The following LPAR3 variants were observed in gnomAD, a reference collection of about 807,000 sequenced individuals.
LPAR3 encodes lysophosphatidic acid receptor 3, also known as LPA receptor 3.
LPAR3 carries 7 observed loss-of-function variants against 17.8 expected under a neutral mutation model. That is an observed-to-expected ratio of 0.39 (90% CI 0.22 to 0.74). The LOEUF is 0.74. Ranked by LOEUF, LPAR3 falls within the 30% of genes least tolerant of loss-of-function variation. LPAR3 has a pLI of 0.40. For synonymous variants in LPAR3, 179 were observed against 179.9 expected (o/e 0.99, Z 0.04); for missense variants, 391 against 453.4 (o/e 0.86, Z 1.25).
intron 2 of LPAR3, among the ~76,000 whole-genome samples, chr1:84,857,340 C>A (rs79527517): frequency 0.031 from 4,770 of 152,248 alleles, 114 homozygotes; most frequent in Non-Finnish European, 0.05. Flanking sequence ...GAATCCTCAA[C>A]ACCTCACCAT....
At chr1:84,858,568 G>C (rs1199268935) in intron 2 of LPAR3, among the ~76,000 whole-genome samples, 4 of 151,458 alleles carry the variant, frequency 2.6e-5, no homozygotes, top group Non-Finnish European at 2.9e-5. Flanking sequence ...GTCTCAGCCA[G>C]AGCCCATCTA....
chr1:84,877,603 C>G (rs991124812), intron 1 of LPAR3, among the ~76,000 whole-genome samples: 1 of 152,204 alleles, frequency 6.6e-6, no homozygotes, highest in Non-Finnish European at 1.5e-5. Flanking sequence ...TGGGGAAGAT[C>G]AGAGGCAATC....
At position 84,813,559 on chromosome 1, in the gene LPAR3, G is replaced by T. The variant is rs1225930446; in HGVS notation, c.*287C>A. On this transcript the variant is annotated 3_prime_UTR_variant, in exon 3 of 3. Coordinates refer to ENST00000370611, the MANE Select transcript of LPAR3 (RefSeq NM_012152.3). ...ACAAAGAGAATGGCTACGAAATGGTGCCAGAACCCAGAAGGCCCAGCTGGA... is the reference window on the plus strand; with the variant it reads ...ACAAAGAGAATGGCTACGAAATGGTTCCAGAACCCAGAAGGCCCAGCTGGA... The T allele has an allele frequency of 3.9e-5, 13 of 337,456 alleles. No homozygotes were observed. In the East Asian group the frequency reaches 6.6e-4, roughly 17 times the overall value. 20.9% of individuals were successfully genotyped at this position (337,456 alleles called of 1,614,324 possible). A position where few individuals can be genotyped will look rare whatever the true frequency, so the allele number is the denominator to read the frequency against.
At position 84,866,083 on chromosome 1, in the gene LPAR3, A is replaced by G. The variant is rs1445623937; in HGVS notation, c.38T>C (p.Phe13Ser). The G allele has an allele frequency of 2.5e-6, 4 of 1,601,684 alleles. No homozygotes were observed. Among genetic ancestry groups the G allele is most frequent in the Non-Finnish European group, 3.4e-6 (4 of 1,175,412 alleles). ...AGTATCAGTGTTGCTCCTATTATAA[A>G]AAAAGTCCATGTGCTTGTCATAGTG... ...ECHYDKHMDF[F>S]YNRSNTDTVD... The change falls in exon 2 of 3, where the codon TTT becomes TCT. Residue 13 changes from phenylalanine to serine, a missense_variant. Physicochemically the swap from Phe to Ser is radical, Grantham distance 155. Transcript: ENST00000370611.
chr1:84,839,189 C>G (rs1412160679), intron 2 of LPAR3, among the ~76,000 whole-genome samples: 1 of 152,210 alleles, frequency 6.6e-6, no homozygotes, highest in African/African-American at 2.4e-5. Context: ...GAATGATCTT[C>G]AAGTCTGGAT....
At chr1:84,826,818 T>C (rs1184966039) in intron 2 of LPAR3, among the ~76,000 whole-genome samples, 1 of 152,206 alleles carries the variant, frequency 6.6e-6, no homozygotes. Flanking sequence ...ACCTCTTCCT[T>C]ACATCTTTTA....
intron 1 of LPAR3, among the ~76,000 whole-genome samples, chr1:84,884,975 C>A (rs1886644): frequency 0.74 from 112,752 of 152,170 alleles, 41,990 homozygotes; most frequent in East Asian, 0.99. Flanking sequence ...AGCATATGTA[C>A]GTCAAAGACA....
chr1:84,825,376 G>C (rs904948018), intron 2 of LPAR3, among the ~76,000 whole-genome samples: 4 of 152,106 alleles, frequency 2.6e-5, no homozygotes, highest in African/African-American at 7.2e-5. Context: ...CTCATCACTG[G>C]GAATAGCAAG....
intron 1 of LPAR3, among the ~76,000 whole-genome samples, chr1:84,866,802 G>GTA (rs1473402641): frequency 6.6e-6 from 1 of 152,126 alleles, no homozygotes; most frequent in Non-Finnish European, 1.5e-5. Flanking sequence ...CACATATTAG[G>GTA]TATATGATGC....
At chr1:84,819,420 G>A (rs1419276551) in intron 2 of LPAR3, among the ~76,000 whole-genome samples, 1 of 152,168 alleles carries the variant, frequency 6.6e-6, no homozygotes, top group Admixed American at 6.5e-5. Flanking sequence ...AGACCCAATA[G>A]TCAGAATCTC....
chr1:84,846,217 T>C (rs1322988715), intron 2 of LPAR3, among the ~76,000 whole-genome samples: 1 of 152,220 alleles, frequency 6.6e-6, no homozygotes, highest in Non-Finnish European at 1.5e-5. Context: ...ATTTTAAAGA[T>C]GTTTCAGCTA....
At chr1:84,860,030 C>G (rs1007676557) in intron 2 of LPAR3, among the ~76,000 whole-genome samples, 2 of 152,160 alleles carry the variant, frequency 1.3e-5, no homozygotes, top group Admixed American at 6.5e-5. Flanking sequence ...TCGTATGTCT[C>G]CGATGTCTTT....
At chr1:84,845,159 T>A (rs955419437) in intron 2 of LPAR3, among the ~76,000 whole-genome samples, 3 of 152,226 alleles carry the variant, frequency 2.0e-5, no homozygotes, top group African/African-American at 7.2e-5. Context: ...GTGCTTTTCC[T>A]TCTACTGCTT....
In LPAR3 at chr1:84,891,160, T is replaced by TAAAAAA. The variant is rs546045989; in HGVS notation, c.-19+1850_-19+1855dup. 4.0e-3 allele frequency among the ~76,000 whole-genome samples: 581 copies of TAAAAAA among 144,606 alleles called. 2 individuals carry two copies. The highest frequency in any genetic ancestry group is 7.2e-3 in the South Asian group (33 of 4,578). The allele number at this position is 144,606 out of a possible 152,430, so 94.9% of individuals were successfully genotyped here. A position where few individuals can be genotyped will look rare whatever the true frequency, so the allele number is the denominator to read the frequency against. On this transcript the variant is annotated intron_variant, in intron 1 of 2. Coordinates refer to ENST00000370611, the MANE Select transcript of LPAR3 (RefSeq NM_012152.3). ...GATATCTAAAATAGGTCTGATCTGA[T>TAAAAAA]AAAAAAAAAAAGAGTGGTAGTTGAT...
At chr1:84,829,247 T>A (rs1659235981) in intron 2 of LPAR3, among the ~76,000 whole-genome samples, 1 of 145,618 alleles carries the variant, frequency 6.9e-6, no homozygotes, top group South Asian at 2.2e-4. Flanking sequence ...AAAGTAAACT[T>A]GAAAGTGGGA....
intron 2 of LPAR3, among the ~76,000 whole-genome samples, chr1:84,826,060 G>A (rs376073709): frequency 1.8e-4 from 27 of 151,934 alleles, no homozygotes; most frequent in East Asian, 1.5e-3. Flanking sequence ...GGTGCTTTGC[G>A]GAGTTGTGCA....
At chr1:84,877,208 A>C (rs191660829) in intron 1 of LPAR3, among the ~76,000 whole-genome samples, 110 of 152,348 alleles carry the variant, frequency 7.2e-4, no homozygotes, top group Admixed American at 2.5e-3. Context: ...TGACAACCTG[A>C]GCCAAGGGGA....
rs532912064 is a variant in LPAR3, at chr1:84,870,345, G to A, written c.-18-4207C>T. On this transcript the variant is annotated intron_variant, in intron 1 of 2. Coordinates refer to ENST00000370611, the MANE Select transcript of LPAR3 (RefSeq NM_012152.3). The stretch of plus-strand genomic sequence containing the variant: ...ATTGTCCATCTCCCACCCCTAGACC[G>A]TTCCACTCCAGCAAAGCAGGGAACC... 1.2e-4 allele frequency among the ~76,000 whole-genome samples: 18 copies of A among 152,238 alleles called. No homozygotes were observed. In the South Asian group the frequency reaches 2.7e-3, roughly 23 times the overall value.
chr1:84,832,266 T>A (rs72942437), intron 2 of LPAR3, among the ~76,000 whole-genome samples: 1 of 152,094 alleles, frequency 6.6e-6, no homozygotes, highest in Non-Finnish European at 1.5e-5. Context: ...AAAATTCTAA[T>A]GTGCATTTTC....
Sources: gnomAD v4.1 joint callset for allele counts (sites outside exome capture counted in the v4.1 genomes callset) on GRCh38, gnomAD v4.1.1 for gene constraint, MANE v1.5 for transcripts, NCBI Gene and HGNC (gene_info 2026-07-23, HGNC 2026-07-21) for gene names.